The following ASPRV1 variants were observed in gnomAD, a reference collection of about 807,000 sequenced individuals.
The protein encoded by ASPRV1 is retroviral-like aspartic protease 1.
Under a neutral mutation model 11.0 loss-of-function variants are expected in ASPRV1, and 7 were observed. The observed-to-expected ratio is 0.64, with a 90% CI of 0.36 to 1.20. The LOEUF is 1.20. Among genes scored for constraint, ASPRV1 ranks in the 50% most tolerant of loss-of-function variants. The pLI, the probability that ASPRV1 is intolerant of heterozygous loss-of-function variation, is 0.02. For missense variants in ASPRV1, 299 were observed against 320.0 expected (o/e 0.93, Z 0.50); for synonymous variants, 136 against 138.4 (o/e 0.98, Z 0.12).
chr2:69,985,717 G>T, the ASPRV1 span, among the ~76,000 whole-genome samples: 1 of 152,184 alleles, frequency 6.6e-6, no homozygotes, highest in Admixed American at 6.5e-5. Context: ...ATAGAAAGAT[G>T]AATACAACTT....
At chr2:70,041,925 G>GA in the ASPRV1 span, among the ~76,000 whole-genome samples, 1 of 152,086 alleles carries the variant, frequency 6.6e-6, no homozygotes, top group East Asian at 1.9e-4. Context: ...AGACACACAG[G>GA]AAATAGTGAT....
At chr2:70,075,321 A>G in the ASPRV1 span, 1 of 143,168 alleles carries the variant, frequency 7.0e-6, no homozygotes, top group African/African-American at 2.6e-5. Context: ...CGTGTTAGCC[A>G]GAATGGTCAG....
At chr2:69,947,299 C>G in the ASPRV1 span, among the ~76,000 whole-genome samples, 1 of 152,198 alleles carries the variant, frequency 6.6e-6, no homozygotes, top group African/African-American at 2.4e-5. Context: ...TGTCACCACA[C>G]TTTATAATGT....
At chr2:70,077,505 C>T in the ASPRV1 span, 2 of 152,174 alleles carry the variant, frequency 1.3e-5, no homozygotes, top group Admixed American at 1.3e-4. Context: ...AAACCATACA[C>T]TTATTATGAA....
the ASPRV1 span, among the ~76,000 whole-genome samples, chr2:69,974,969 C>G: frequency 2.0e-5 from 3 of 152,214 alleles, no homozygotes; most frequent in African/African-American, 7.2e-5. Context: ...CTGCAACAAG[C>G]TGTGTCTGAC....
At chr2:70,037,348 G>A in the ASPRV1 span, among the ~76,000 whole-genome samples, 1 of 152,202 alleles carries the variant, frequency 6.6e-6, no homozygotes, top group Non-Finnish European at 1.5e-5. Context: ...TTACAGGCAT[G>A]AGTCTTGCTC....
chr2:70,014,796 C>CAAAAAA, the ASPRV1 span, among the ~76,000 whole-genome samples: 676 of 71,704 alleles, frequency 9.4e-3, no homozygotes, highest in Middle Eastern at 0.02. Context: ...GACCTTGTCT[C>CAAAAAA]AAAAAAAAAA....
the ASPRV1 span, among the ~76,000 whole-genome samples, chr2:70,038,938 G>A: frequency 6.6e-6 from 1 of 152,084 alleles, no homozygotes; most frequent in African/African-American, 2.4e-5. Context: ...AATTAGCCAG[G>A]CATAGTGGCA....
chr2:70,036,345 G>C, the ASPRV1 span, among the ~76,000 whole-genome samples: 2 of 152,032 alleles, frequency 1.3e-5, no homozygotes, highest in South Asian at 2.1e-4. Flanking sequence ...CATGCAAAAT[G>C]AATGAAGCAG....
chr2:70,050,953 A>G, the ASPRV1 span: 10 of 152,188 alleles, frequency 6.6e-5, no homozygotes, highest in African/African-American at 2.4e-4. Context: ...TAAAAGAAAA[A>G]AAAAAGTTCA....
the ASPRV1 span, among the ~76,000 whole-genome samples, chr2:69,999,224 C>T: frequency 5.3e-5 from 8 of 152,004 alleles, no homozygotes; most frequent in East Asian, 1.9e-4. Flanking sequence ...CTCCTGCCTC[C>T]GCCTCCCAGG....
the ASPRV1 span, among the ~76,000 whole-genome samples, chr2:70,082,046 C>CA: frequency 2.0e-5 from 3 of 152,074 alleles, no homozygotes; most frequent in Non-Finnish European, 4.4e-5. Flanking sequence ...GGCACCATCT[C>CA]AGCTCACTGC....
At chr2:69,998,535 G>C in the ASPRV1 span, among the ~76,000 whole-genome samples, 3 of 151,902 alleles carry the variant, frequency 2.0e-5, no homozygotes, top group Non-Finnish European at 4.4e-5. Context: ...AGGTCAGATC[G>C]AGACCACGGT....
At chr2:70,060,941 C>T in the ASPRV1 span, among the ~76,000 whole-genome samples, 3 of 152,192 alleles carry the variant, frequency 2.0e-5, no homozygotes, top group African/African-American at 7.2e-5. Flanking sequence ...AGATACATAA[C>T]CAGGAACAAG....
At chr2:70,051,638 T>C in the ASPRV1 span, among the ~76,000 whole-genome samples, 79 of 152,332 alleles carry the variant, frequency 5.2e-4, no homozygotes, top group African/African-American at 1.9e-3. Flanking sequence ...GCATCAGTGA[T>C]GTACCAGGAA....
chr2:70,080,031 G>A, the ASPRV1 span, among the ~76,000 whole-genome samples: 3 of 152,144 alleles, frequency 2.0e-5, no homozygotes, highest in Non-Finnish European at 2.9e-5. Context: ...TCAGAGAAAT[G>A]AGTTATTTAA....
chr2:70,046,887 TG>T, the ASPRV1 span: 3 of 152,346 alleles, frequency 2.0e-5, no homozygotes, highest in African/African-American at 4.8e-5. Context: ...AGAATTTTGC[TG>T]CATTTTCTTT....
At chr2:69,966,201 AG>A (rs752439309), upstream of ASPRV1, among the ~76,000 whole-genome samples, 7 of 152,218 alleles carry the variant, frequency 4.6e-5, no homozygotes, top group Admixed American at 1.3e-4. Flanking sequence ...ACTAACTCCT[AG>A]AAGTCCAATT....
the ASPRV1 span, chr2:69,938,165 G>A: frequency 6.2e-7 from 1 of 1,614,124 alleles, no homozygotes; most frequent in Admixed American, 1.7e-5. Context: ...CAGCAGCAGT[G>A]TGAGCGACTC....
Sources: allele counts gnomAD v4.1 joint callset (sites outside exome capture counted in the v4.1 genomes callset), GRCh38; gene constraint gnomAD v4.1.1; transcripts MANE v1.5; gene names NCBI Gene and HGNC (gene_info 2026-07-23, HGNC 2026-07-21).